The following MYO1D variants were observed in gnomAD, a reference collection of about 807,000 sequenced individuals.
MYO1D encodes the protein unconventional myosin-Id.
A neutral mutation model predicts 122.0 loss-of-function variants in MYO1D; 83 were observed. That is an observed-to-expected ratio of 0.68 (90% CI 0.57 to 0.82). The LOEUF is 0.82. Ranked by LOEUF, MYO1D falls within the 40% of genes least tolerant of loss-of-function variation. MYO1D has a pLI of 0.00. For missense variants in MYO1D, 1,157 were observed against 1,269.5 expected (o/e 0.91, Z 1.35); for synonymous variants, 464 against 446.9 (o/e 1.04, Z -0.48).
At chr17:32,547,664 T>C (rs1315687625) in intron 21 of MYO1D, among the ~76,000 whole-genome samples, 1 of 152,178 alleles carries the variant, frequency 6.6e-6, no homozygotes, top group African/African-American at 2.4e-5. Flanking sequence ...TTCACTATAG[T>C]AGCTCAGCGC....
intron 1 of MYO1D, among the ~76,000 whole-genome samples, chr17:32,837,397 T>C (rs1352727390): frequency 6.6e-6 from 1 of 152,064 alleles, no homozygotes; most frequent in African/African-American, 2.4e-5. Flanking sequence ...CTGTGGCTCA[T>C]GTTCATTGTT....
intron 21 of MYO1D, among the ~76,000 whole-genome samples, chr17:32,590,119 A>C (rs1338304443): frequency 6.6e-6 from 1 of 152,192 alleles, no homozygotes; most frequent in South Asian, 2.1e-4. Flanking sequence ...ACTTCTCCCC[A>C]TTACTTATAT....
intron 21 of MYO1D, among the ~76,000 whole-genome samples, chr17:32,526,191 C>A (rs768223119): frequency 1.6e-4 from 24 of 152,204 alleles, no homozygotes; most frequent in Non-Finnish European, 2.9e-4. Flanking sequence ...AGATTGTAAA[C>A]CCTGGGCAGG....
At chr17:32,605,703 A>G (rs2087619217) in intron 20 of MYO1D, among the ~76,000 whole-genome samples, 2 of 152,244 alleles carry the variant, frequency 1.3e-5, no homozygotes, top group East Asian at 1.9e-4. Flanking sequence ...GGCCATCTCT[A>G]TAGACCACAC....
intron 1 of MYO1D, among the ~76,000 whole-genome samples, chr17:32,842,154 G>T (rs1016750441): frequency 6.6e-6 from 1 of 152,150 alleles, no homozygotes; most frequent in Non-Finnish European, 1.5e-5. Flanking sequence ...CTGGGGTTTT[G>T]CCAGGTGACG....
At chr17:32,839,162 G>C (rs541976728) in intron 1 of MYO1D, among the ~76,000 whole-genome samples, 1 of 152,202 alleles carries the variant, frequency 6.6e-6, no homozygotes, top group South Asian at 2.1e-4. Context: ...AAGAACTAAA[G>C]GAAAGCAAAA....
chr17:32,856,025 C>A (rs2091024876), intron 1 of MYO1D, among the ~76,000 whole-genome samples: 1 of 152,140 alleles, frequency 6.6e-6, no homozygotes, highest in Admixed American at 6.5e-5. Flanking sequence ...AATTTTGCAG[C>A]TTTAAACAAA....
chr17:32,713,632 CATT>C (rs148427456), intron 15 of MYO1D, among the ~76,000 whole-genome samples: 3 of 151,610 alleles, frequency 2.0e-5, no homozygotes, highest in South Asian at 2.1e-4. Context: ...ACATTAAATA[CATT>C]ATTATTATTA....
At chr17:32,816,613 A>T (rs1472564543) in intron 1 of MYO1D, among the ~76,000 whole-genome samples, 2 of 152,240 alleles carry the variant, frequency 1.3e-5, no homozygotes, top group Non-Finnish European at 2.9e-5. Flanking sequence ...AATTCTAGGC[A>T]AGGGAAAAAA....
chr17:32,774,365 G>A (rs538135672), intron 4 of MYO1D, among the ~76,000 whole-genome samples: 2 of 152,268 alleles, frequency 1.3e-5, no homozygotes, highest in Non-Finnish European at 1.5e-5. Flanking sequence ...AAAACTTTCT[G>A]AAGAATGAAG....
chr17:32,570,389 G>C (rs1597903856), intron 21 of MYO1D, among the ~76,000 whole-genome samples: 1 of 151,570 alleles, frequency 6.6e-6, no homozygotes, highest in East Asian at 1.9e-4. Context: ...TTTTGAGACA[G>C]AGTCTCGCTG....
intron 16 of MYO1D, chr17:32,686,333 C>T (rs1433296399): frequency 6.6e-6 from 1 of 152,164 alleles, no homozygotes; most frequent in Non-Finnish European, 1.5e-5. Flanking sequence ...CTGGCAGCTA[C>T]CAGAAGCTGG....
intron 21 of MYO1D, among the ~76,000 whole-genome samples, chr17:32,565,887 ATTTT>A (rs889107840): frequency 6.6e-6 from 1 of 151,302 alleles, no homozygotes; most frequent in African/African-American, 2.4e-5. Flanking sequence ...GGTGTGGCTA[ATTTT>A]TTTTTGTATT....
intron 1 of MYO1D, among the ~76,000 whole-genome samples, chr17:32,820,435 A>AT (rs2090650718): frequency 6.6e-6 from 1 of 152,218 alleles, no homozygotes; most frequent in Non-Finnish European, 1.5e-5. Context: ...ATGGAATACT[A>AT]TTCAGTTTTA....
chr17:32,692,911 T>C (rs1046059447), intron 16 of MYO1D, among the ~76,000 whole-genome samples: 6 of 152,242 alleles, frequency 3.9e-5, no homozygotes, highest in Non-Finnish European at 7.3e-5. Flanking sequence ...AATATGCTCT[T>C]TTTATTTTTA....
chr17:32,582,264 T>TA (rs1300754344), intron 21 of MYO1D, among the ~76,000 whole-genome samples: 1 of 152,236 alleles, frequency 6.6e-6, no homozygotes, highest in Non-Finnish European at 1.5e-5. Context: ...TTGAGACTTT[T>TA]AAAATCTACG....
chr17:32,636,267 T>C (rs2088097749), intron 20 of MYO1D, among the ~76,000 whole-genome samples: 1 of 152,192 alleles, frequency 6.6e-6, no homozygotes, highest in African/African-American at 2.4e-5. Flanking sequence ...TTCAATATGG[T>C]TAAAATTGAA....
chr17:32,700,796 T>A lies in MYO1D; in HGVS notation c.2121+11192A>T, dbSNP rs529006762. 1.4e-4 allele frequency among the ~76,000 whole-genome samples: 22 copies of A among 151,836 alleles called. No homozygotes were observed. In the South Asian group the frequency reaches 4.6e-3, roughly 32 times the overall value. On this transcript the variant is annotated intron_variant, in intron 16 of 21. Transcript: ENST00000318217. ...CTGTTTCTACTAAAAATACAAAAAT[T>A]AGCCAGGTATGGTGGTGTGCGCCTG...
chr17:32,499,904 A>G (rs907682140), intron 21 of MYO1D, among the ~76,000 whole-genome samples: 6 of 152,210 alleles, frequency 3.9e-5, no homozygotes, highest in African/African-American at 1.2e-4. Context: ...CGGAGGCTGC[A>G]GTGAGCCGAG....
Sources: gnomAD v4.1 joint callset for allele counts (sites outside exome capture counted in the v4.1 genomes callset) on GRCh38, gnomAD v4.1.1 for gene constraint, MANE v1.5 for transcripts, NCBI Gene and HGNC (gene_info 2026-07-23, HGNC 2026-07-21) for gene names.